The following ITGBL1 variants were observed in gnomAD, a reference collection of about 807,000 sequenced individuals.
ITGBL1 encodes the protein integrin subunit beta like 1.
Under a neutral mutation model 68.5 loss-of-function variants are expected in ITGBL1, and 51 were observed. The observed-to-expected ratio is 0.74, with a 90% CI of 0.59 to 0.94. ITGBL1 has a LOEUF of 0.94. Among genes scored for constraint, ITGBL1 ranks in the 40% least tolerant of loss-of-function variants. The pLI is 0.00. For missense variants in ITGBL1, 649 were observed against 647.4 expected (o/e 1.00, Z -0.03); for synonymous variants, 209 against 227.3 (o/e 0.92, Z 0.72).
intron 2 of ITGBL1, among the ~76,000 whole-genome samples, chr13:101,514,489 A>G (rs1031231981): frequency 2.6e-5 from 4 of 152,040 alleles, no homozygotes; most frequent in Admixed American, 6.6e-5. Flanking sequence ...TTAGGAGCTA[A>G]TTTATTTCCT....
At position 101,579,360 on chromosome 13, in the gene ITGBL1, C is replaced by G; in HGVS notation, c.660C>G (p.Cys220Trp). The G allele has an allele frequency of 6.2e-7, 1 of 1,613,816 alleles. No homozygotes were observed. Among genetic ancestry groups the G allele is most frequent in the South Asian group, 1.1e-5 (1 of 91,082 alleles). Residue 220 changes from cysteine to tryptophan, a missense_variant, in exon 5 of 11, where the codon TGC becomes TGG. Cys to Trp is a radical substitution (Grantham distance 215, BLOSUM62 -2). Transcript: ENST00000376180. ...ATGGAGATAAATGTGAATTCCAGTG[C>G]GATATCACCCCCTGGGAAAGCAAGC... ...GWHGDKCEFQ[C>W]DITPWESKRR...
chr13:101,687,048 T>C (rs7992141), intron 7 of ITGBL1, among the ~76,000 whole-genome samples: 120,207 of 151,952 alleles, frequency 0.79, 47,754 homozygotes, highest in East Asian at 0.96. Context: ...ACTAGTAGCA[T>C]TTTTTTATTA....
chr13:101,526,155 C>CTTCT lies in ITGBL1; in HGVS notation c.317-41542_317-41541insCTTT, dbSNP rs368448615. On this transcript the variant is annotated intron_variant, in intron 2 of 10. Transcript: ENST00000376180. ...CTAGTTTCTTCTTCTTCTTCTTCTT[C>CTTCT]TTTTTTTTTTTTTTAAATACTTTAA... 6.3e-3 allele frequency among the ~76,000 whole-genome samples: 856 copies of CTTCT among 136,534 alleles called. 11 individuals carry two copies. Among genetic ancestry groups the CTTCT allele is most frequent in the African/African-American group, 0.018 (677 of 37,148 alleles). 89.6% of individuals were successfully genotyped at this position (136,534 alleles called of 152,430 possible). A position where few individuals can be genotyped will look rare whatever the true frequency, so the allele number is the denominator to read the frequency against.
At chr13:101,574,939 T>G (rs1311604260) in intron 3 of ITGBL1, among the ~76,000 whole-genome samples, 1 of 152,186 alleles carries the variant, frequency 6.6e-6, no homozygotes, top group Non-Finnish European at 1.5e-5. Flanking sequence ...GCACATATGA[T>G]TTTTATTTAT....
chr13:101,605,698 A>G (rs2030772043), intron 7 of ITGBL1, among the ~76,000 whole-genome samples: 1 of 151,672 alleles, frequency 6.6e-6, no homozygotes, highest in Non-Finnish European at 1.5e-5. Context: ...ACACGTATGT[A>G]GACTTATGTA....
At chr13:101,507,980 A>C (rs1566707067) in intron 2 of ITGBL1, among the ~76,000 whole-genome samples, 4 of 152,138 alleles carry the variant, frequency 2.6e-5, no homozygotes, top group African/African-American at 9.6e-5. Context: ...CTCTTTCTGC[A>C]GCTGGCTCTA....
chr13:101,500,964 C>T (rs889763476), intron 2 of ITGBL1, among the ~76,000 whole-genome samples: 18 of 152,166 alleles, frequency 1.2e-4, no homozygotes, highest in Middle Eastern at 3.2e-3. Context: ...AACCTAATTG[C>T]TCTTCCTGCT....
intron 7 of ITGBL1, among the ~76,000 whole-genome samples, chr13:101,670,545 G>A (rs2033332926): frequency 6.6e-6 from 1 of 152,062 alleles, no homozygotes; most frequent in Non-Finnish European, 1.5e-5. Flanking sequence ...ATTTATTTTT[G>A]ACATTTTCTG....
intron 7 of ITGBL1, among the ~76,000 whole-genome samples, chr13:101,650,076 T>A (rs934909440): frequency 4.2e-5 from 4 of 94,416 alleles, no homozygotes; most frequent in African/African-American, 1.8e-4. Flanking sequence ...ATAATTAGCG[T>A]TTTTTTCTGA....
At chr13:101,541,923 G>C (rs1301382087) in intron 2 of ITGBL1, among the ~76,000 whole-genome samples, 1 of 151,936 alleles carries the variant, frequency 6.6e-6, no homozygotes, top group Non-Finnish European at 1.5e-5. Flanking sequence ...ATTTTTTATT[G>C]CTTCTATTTG....
intron 7 of ITGBL1, among the ~76,000 whole-genome samples, chr13:101,688,152 T>G (rs1200695872): frequency 1.3e-5 from 2 of 152,186 alleles, no homozygotes; most frequent in Non-Finnish European, 2.9e-5. Context: ...TTCTACTACA[T>G]TAAGGGAGAA....
chr13:101,553,355 C>T (rs1471643709), intron 2 of ITGBL1, among the ~76,000 whole-genome samples: 3 of 152,082 alleles, frequency 2.0e-5, no homozygotes, highest in Admixed American at 6.6e-5. Flanking sequence ...AAATTTCAAC[C>T]CTCATTTATG....
intron 6 of ITGBL1, among the ~76,000 whole-genome samples, chr13:101,586,148 G>A (rs879581069): frequency 7.2e-5 from 11 of 152,264 alleles, no homozygotes; most frequent in Non-Finnish European, 1.0e-4. Context: ...TAAGGAGGCT[G>A]CACTGGAATC....
intron 7 of ITGBL1, among the ~76,000 whole-genome samples, chr13:101,675,178 T>A (rs982974288): frequency 6.6e-6 from 1 of 152,196 alleles, no homozygotes. Flanking sequence ...TGCTTTTTCC[T>A]TTGAAAGTAA....
At chr13:101,682,590 C>G (rs1366849190) in intron 7 of ITGBL1, among the ~76,000 whole-genome samples, 4 of 151,940 alleles carry the variant, frequency 2.6e-5, no homozygotes, top group Non-Finnish European at 4.4e-5. Context: ...ATTTCATGTT[C>G]ACAATGATCA....
At chr13:101,609,735 A>G (rs1351733492) in intron 7 of ITGBL1, among the ~76,000 whole-genome samples, 1 of 152,160 alleles carries the variant, frequency 6.6e-6, no homozygotes, top group Non-Finnish European at 1.5e-5. Flanking sequence ...AAAATAATTC[A>G]GTGGAAAATA....
At chr13:101,709,322 GC>G (rs1566801549) in intron 9 of ITGBL1, among the ~76,000 whole-genome samples, 1 of 126,276 alleles carries the variant, frequency 7.9e-6, no homozygotes, top group Admixed American at 9.7e-5. Flanking sequence ...CCGAGATTGC[GC>G]CACTGCAGTC....
At chr13:101,547,767 G>A (rs9300680) in intron 2 of ITGBL1, among the ~76,000 whole-genome samples, 1 of 151,576 alleles carries the variant, frequency 6.6e-6, no homozygotes, top group South Asian at 2.1e-4. Flanking sequence ...GCATTTACCC[G>A]GATATGACTA....
intron 7 of ITGBL1, among the ~76,000 whole-genome samples, chr13:101,673,968 G>A (rs2033438722): frequency 6.6e-6 from 1 of 152,172 alleles, no homozygotes; most frequent in Admixed American, 6.5e-5. Flanking sequence ...ACCACAGAAT[G>A]ATTAGTCAGC....
Sources: allele counts gnomAD v4.1 joint callset (sites outside exome capture counted in the v4.1 genomes callset), GRCh38; gene constraint gnomAD v4.1.1; transcripts MANE v1.5; gene names NCBI Gene and HGNC (gene_info 2026-07-23, HGNC 2026-07-21).